ELAVL2: variants seen among roughly 807,000 people sequenced by gnomAD.
ELAVL2 encodes ELAV like RNA binding protein 2.
Under a neutral mutation model 34.6 loss-of-function variants are expected in ELAVL2, and 4 were observed. That is an observed-to-expected ratio of 0.12 (90% CI 0.06 to 0.26). The LOEUF is 0.26. Ranked by LOEUF, ELAVL2 falls within the 10% of genes least tolerant of loss-of-function variation. The pLI is 1.00. For synonymous variants in ELAVL2, 193 were observed against 154.8 expected, an observed-to-expected ratio of 1.25 and a Z score of -1.83; for missense variants, 432 against 442.8, an observed-to-expected ratio of 0.98 and a Z score of 0.22.
At chr9:23,781,413 A>T (rs1216754768) in intron 1 of ELAVL2, among the ~76,000 whole-genome samples, 1 of 152,224 alleles carries the variant, frequency 6.6e-6, no homozygotes, top group African/African-American at 2.4e-5. Context: ...TTCACCAAAC[A>T]GATCAGGAAT....
intron 4 of ELAVL2, among the ~76,000 whole-genome samples, chr9:23,702,974 A>AAAAAAAAC (rs2037950275): frequency 7.2e-6 from 1 of 139,300 alleles, no homozygotes; most frequent in Non-Finnish European, 1.5e-5. Context: ...AAAAAAAAAA[A>AAAAAAAAC]AAAAAAACAG....
Position 23,705,078 on chromosome 9 carries a change from A to G in ELAVL2, c.334-7T>C, listed in dbSNP as rs917180724. The G allele has an allele frequency of 1.2e-6, 2 of 1,613,896 alleles. No homozygotes were observed. Among genetic ancestry groups the G allele is most frequent in the Admixed American group, 3.3e-5 (2 of 59,974 alleles). On this transcript the variant is annotated splice_region_variant and splice_polypyrimidine_tract_variant and intron_variant, in intron 3 of 6. Transcript: ENST00000397312. ...TTGGGCGAGCATAGGAAACCTGGAAAAGGAAAATAAAATTAAATGTATATG... is the reference window on the plus strand; with the variant it reads ...TTGGGCGAGCATAGGAAACCTGGAAGAGGAAAATAAAATTAAATGTATATG...
the ELAVL2 span, among the ~76,000 whole-genome samples, chr9:23,842,231 T>C: frequency 2.6e-5 from 4 of 152,152 alleles, no homozygotes; most frequent in Non-Finnish European, 5.9e-5. Flanking sequence ...AGCTGGAAGC[T>C]GAACAGCTGT....
intron 1 of ELAVL2, among the ~76,000 whole-genome samples, chr9:23,771,455 C>T (rs2057295865): frequency 6.6e-6 from 1 of 151,574 alleles, no homozygotes; most frequent in Non-Finnish European, 1.5e-5. Flanking sequence ...ATATAGGAAA[C>T]CCAACATACA....
At chr9:23,714,039 C>T (rs952691176) in intron 3 of ELAVL2, among the ~76,000 whole-genome samples, 2 of 152,132 alleles carry the variant, frequency 1.3e-5, no homozygotes, top group African/African-American at 4.8e-5. Context: ...TAGCAAAGAG[C>T]AGAGGAACCA....
At chr9:23,796,397 G>C (rs777195900) in intron 1 of ELAVL2, among the ~76,000 whole-genome samples, 8 of 152,174 alleles carry the variant, frequency 5.3e-5, no homozygotes, top group Non-Finnish European at 1.2e-4. Context: ...TGTCCTTTGA[G>C]ACATCACATA....
At chr9:23,718,665 T>G (rs1354778400) in intron 3 of ELAVL2, among the ~76,000 whole-genome samples, 1 of 152,196 alleles carries the variant, frequency 6.6e-6, no homozygotes, top group Non-Finnish European at 1.5e-5. Flanking sequence ...ACACATATTT[T>G]GTGGGGCTGA....
chr9:23,732,467 T>G (rs1056562080), intron 2 of ELAVL2, among the ~76,000 whole-genome samples: 13 of 152,238 alleles, frequency 8.5e-5, no homozygotes, highest in Admixed American at 7.9e-4. Flanking sequence ...ACTAATTAGG[T>G]TAATTTCATC....
intron 5 of ELAVL2, among the ~76,000 whole-genome samples, chr9:23,699,812 GTTTTTTTTTTTTTTTTTTTTTTTTT>G (rs199637833): frequency 3.4e-4 from 28 of 82,972 alleles, no homozygotes; most frequent in African/African-American, 9.2e-4. Context: ...GGTGGCAAAG[GTTTTTTTTTTTTTTTTTTTTTTTTT>G]TTTTTTTTTT....
intron 3 of ELAVL2, among the ~76,000 whole-genome samples, chr9:23,724,242 A>G (rs1275301545): frequency 6.6e-6 from 1 of 152,210 alleles, no homozygotes; most frequent in Non-Finnish European, 1.5e-5. Context: ...GCAGGAAGTA[A>G]GCAGGGGACA....
At chr9:23,826,885 CTTTAT>C (rs2065331054), upstream of ELAVL2, among the ~76,000 whole-genome samples, 1 of 152,096 alleles carries the variant, frequency 6.6e-6, no homozygotes, top group South Asian at 2.1e-4. Flanking sequence ...AATTGTATGT[CTTTAT>C]TTTAATATAC....
intron 1 of ELAVL2, among the ~76,000 whole-genome samples, chr9:23,778,739 T>C (rs950805615): frequency 1.3e-5 from 2 of 152,164 alleles, no homozygotes. Flanking sequence ...TCTTTAATTG[T>C]AGACCTAATC....
At chr9:23,762,575 A>G (rs866980285) in intron 1 of ELAVL2, among the ~76,000 whole-genome samples, 22 of 152,076 alleles carry the variant, frequency 1.4e-4, no homozygotes, top group African/African-American at 5.3e-4. Flanking sequence ...ATCAAGTACC[A>G]AAGGGCACAG....
chr9:23,759,809 C>A lies in ELAVL2; in HGVS notation c.229+2197G>T, dbSNP rs573031379. Among the ~76,000 whole-genome samples, 310 of 112,512 alleles carry A rather than the reference C, an allele frequency of 2.8e-3. 1 individual carries two copies. The highest frequency in any genetic ancestry group is 6.7e-3 in the Middle Eastern group (1 of 150). The allele number at this position is 112,512 out of a possible 152,430, so 73.8% of individuals were successfully genotyped here. On this transcript the variant is annotated intron_variant, in intron 2 of 6. Coordinates refer to ENST00000397312, the MANE Select transcript of ELAVL2 (RefSeq NM_004432.5). ...ATATATAATGTATAGAAACGTCTTA[C>A]ATCTTTAGAAACATCTTTCAATACT...
chr9:23,701,511 G>A lies in ELAVL2; in HGVS notation c.581C>T (p.Ala194Val), dbSNP rs2037204678. 2 of 1,614,088 alleles carry A rather than the reference G, an allele frequency of 1.2e-6. No individual in the cohort carries two copies. Among genetic ancestry groups the A allele is most frequent in the Non-Finnish European group, 1.7e-6 (2 of 1,180,006 alleles). Reference protein sequence around the residue: ...KGLNGQKPPGATEPITVKFAN... With the variant: ...KGLNGQKPPGVTEPITVKFAN... ...AAACTTTACAGTGATTGGCTCCGTG[G>A]CACCGGGAGGTTTCTGGCCATTTAG... The change falls in exon 5 of 7, where the codon GCC (alanine) becomes GTC (valine). Residue 194 changes from alanine to valine, a missense_variant. By Grantham distance (64) the Ala-to-Val change is moderately conservative. Transcript: ENST00000397312.
chr9:23,757,598 C>T (rs1217333090), intron 2 of ELAVL2, among the ~76,000 whole-genome samples: 1 of 151,500 alleles, frequency 6.6e-6, no homozygotes, highest in Admixed American at 6.6e-5. Context: ...CAGCAGGTGT[C>T]AAGGACTCCC....
intron 3 of ELAVL2, among the ~76,000 whole-genome samples, chr9:23,710,251 T>C (rs149912222): frequency 4.3e-4 from 66 of 152,324 alleles, no homozygotes; most frequent in African/African-American, 1.5e-3. Context: ...GAGTAACACA[T>C]ACACTAAGAG....
In ELAVL2 at chr9:23,822,720, C is replaced by T. The variant is rs115508320; in HGVS notation, c.-16+3086G>A. 4.3e-3 allele frequency among the ~76,000 whole-genome samples: 657 copies of T among 152,314 alleles called. 4 individuals are homozygous for T. Among genetic ancestry groups the T allele is most frequent in the African/African-American group, 0.015 (623 of 41,560 alleles). On this transcript the variant is annotated intron_variant, in intron 1 of 6. Transcript: ENST00000397312. ...TCATTGCAAAGGCATCGATTTTAGCCCTTCTCCTAAAATACTACATTTAAA... is the reference window on the plus strand; with the variant it reads ...TCATTGCAAAGGCATCGATTTTAGCTCTTCTCCTAAAATACTACATTTAAA...
Position 23,692,784 on chromosome 9 carries a change from G to C in ELAVL2, c.853C>G (p.Pro285Ala), listed in dbSNP as rs771053390. Reference sequence around the variant, plus strand: ...CACAGGATACTCTCATCTGCGTCAGGAGCCAGGTTGTACACAAATATACAC... The same window carrying C: ...CACAGGATACTCTCATCTGCGTCAGCAGCCAGGTTGTACACAAATATACAC... ...GWCIFVYNLA[P>A]DADESILWQM... Residue 285 changes from proline (P) to alanine (A), a missense_variant, in exon 7 of 7, where the codon CCT becomes GCT. Pro to Ala is a conservative substitution (Grantham distance 27). This residue lies in a region of ELAVL2 where 295 missense variants were observed against 306.1 expected (regional missense o/e 0.96). Coordinates refer to ENST00000397312, the MANE Select transcript of ELAVL2 (RefSeq NM_004432.5). The C allele has an allele frequency of 7.4e-6, 12 of 1,614,132 alleles. No homozygotes were observed. Among genetic ancestry groups the C allele is most frequent in the Non-Finnish European group, 1.0e-5 (12 of 1,180,008 alleles).
Sources: gnomAD v4.1 joint callset for allele counts (sites outside exome capture counted in the v4.1 genomes callset) on GRCh38, gnomAD v4.1.1 for gene constraint, gnomAD v4.1.1 regional missense constraint, MANE v1.5 for transcripts, NCBI Gene and HGNC (gene_info 2026-07-23, HGNC 2026-07-21) for gene names.